Variants in DEAF1 observed in about 807,000 individuals in gnomAD.
DEAF1 encodes the protein deformed epidermal autoregulatory factor 1 homolog.
DEAF1 carries 53 observed loss-of-function variants against 58.9 expected under a neutral mutation model. The observed-to-expected ratio is 0.90, with a 90% CI of 0.72 to 1.13. The LOEUF is 1.13. Ranked by LOEUF, DEAF1 falls within the 50% of genes most tolerant of loss-of-function variation. The pLI is 0.00. For missense variants in DEAF1, 685 were observed against 791.4 expected, an observed-to-expected ratio of 0.87 and a Z score of 1.61; for synonymous variants, 385 against 340.4, an observed-to-expected ratio of 1.13 and a Z score of -1.44.
In DEAF1 at chr11:674,173, G is replaced by C. The variant is rs1859953422; in HGVS notation, c.1503+363C>G. 4.8e-5 allele frequency: 16 copies of C among 335,346 alleles called. 1 individual carries two copies. Among genetic ancestry groups the C allele is most frequent in the South Asian group, 3.9e-4 (16 of 40,934 alleles). The allele number at this position is 335,346 out of a possible 1,614,324, so 20.8% of individuals were successfully genotyped here. ...GCCCTGCCAGTCGCTGATACTCAGA[G>C]ACTCAATAGATGATGTTCTCCAAAC... On this transcript the variant is annotated intron_variant, in intron 10 of 11. Coordinates refer to ENST00000382409, the MANE Select transcript of DEAF1 (RefSeq NM_021008.4).
At chr11:668,826 A>T (rs1859672339) in intron 10 of DEAF1, among the ~76,000 whole-genome samples, 1 of 152,000 alleles carries the variant, frequency 6.6e-6, no homozygotes, top group Non-Finnish European at 1.5e-5. Context: ...TTTAAAAAAA[A>T]AGTTTTTTGT....
intron 10 of DEAF1, among the ~76,000 whole-genome samples, chr11:659,737 T>C (rs548848358): frequency 1.4e-3 from 213 of 152,266 alleles, no homozygotes; most frequent in Middle Eastern, 0.014. Context: ...GAGGCTCCTT[T>C]CCCGGCACTG....
At chr11:705,981 G>A (rs1419132444) in intron 1 of DEAF1, 3 of 152,318 alleles carry the variant, frequency 2.0e-5, no homozygotes, top group African/African-American at 4.8e-5. Context: ...GGGCACACCA[G>A]GCGGGTGTTG....
upstream of DEAF1, chr11:695,517 T>C: frequency 1.0e-6 from 1 of 998,102 alleles, no homozygotes; most frequent in Non-Finnish European, 1.3e-6. Flanking sequence ...CAGAGAGAGC[T>C]TAGTGCCGCG....
chr11:649,578 G>A (rs1178722918), intron 11 of DEAF1, among the ~76,000 whole-genome samples: 1 of 151,640 alleles, frequency 6.6e-6, no homozygotes, highest in African/African-American at 2.4e-5. Flanking sequence ...AAATTAGCCG[G>A]GTCTGATGGC....
intron 10 of DEAF1, among the ~76,000 whole-genome samples, chr11:672,542 A>T (rs1038182731): frequency 3.3e-5 from 5 of 152,206 alleles, no homozygotes; most frequent in Non-Finnish European, 5.9e-5. Flanking sequence ...TGACAGAAAA[A>T]TTTAAAAATT....
chr11:691,671 G>T, intron 1 of DEAF1, 73 bp from the exon 2 acceptor site: 1 of 1,382,484 alleles, frequency 7.2e-7, no homozygotes, highest in Non-Finnish European at 1.0e-6. Flanking sequence ...TCGCTCAGGT[G>T]CTTCAAACAA....
chr11:674,531 G>A lies in DEAF1; in HGVS notation c.1503+5C>T, dbSNP rs370559702. The A allele has an allele frequency of 1.9e-5, 30 of 1,613,860 alleles. No homozygotes were observed. The highest frequency in any genetic ancestry group is 2.2e-5 in the Non-Finnish European group (26 of 1,180,012). ...GTCGTGTCTTCCCATTTGTTCCAAG[G>A]TTACCTCCTTCCGCTCTGCGTCAGC... On this transcript the variant is annotated splice_donor_5th_base_variant and intron_variant, in intron 10 of 11. Transcript: ENST00000382409.
At chr11:672,809 T>C (rs1402810354) in intron 10 of DEAF1, among the ~76,000 whole-genome samples, 2 of 151,668 alleles carry the variant, frequency 1.3e-5, no homozygotes, top group Admixed American at 6.6e-5. Flanking sequence ...GATTGTGCCA[T>C]TGCACTCCAG....
In DEAF1 at chr11:656,897, T is replaced by C. The variant is rs144288644; in HGVS notation, c.1504-2846A>G. Among the ~76,000 whole-genome samples, 1,208 of 152,126 alleles carry C rather than the reference T, an allele frequency of 7.9e-3. 14 individuals are homozygous for C. The highest frequency in any genetic ancestry group is 0.028 in the African/African-American group (1,147 of 41,488). On this transcript the variant is annotated intron_variant, in intron 10 of 11. Transcript: ENST00000382409. ...TTTTTTTTAAACTGAAAAATAACGT[T>C]CTAGGAAGGTTAGAAGGAGCTTTGG...
chr11:676,596 C>T (rs1860090047), intron 9 of DEAF1, among the ~76,000 whole-genome samples: 1 of 151,934 alleles, frequency 6.6e-6, no homozygotes, highest in Admixed American at 6.6e-5. Flanking sequence ...CACTGCCCTC[C>T]CGGGTTCAAG....
intron 5 of DEAF1, among the ~76,000 whole-genome samples, chr11:685,291 C>A (rs1185967003): frequency 6.6e-6 from 1 of 151,972 alleles, no homozygotes; most frequent in Non-Finnish European, 1.5e-5. Context: ...GCCATGTTGA[C>A]CAGGCTGGTC....
intron 11 of DEAF1, among the ~76,000 whole-genome samples, chr11:645,236 TA>T (rs1240982176): frequency 2.6e-4 from 40 of 151,868 alleles, no homozygotes; most frequent in Non-Finnish European, 2.9e-5. Context: ...GTTAGGGATG[TA>T]AACAAAAAAT....
At chr11:695,678 C>T, upstream of DEAF1, 2 of 1,243,356 alleles carry the variant, frequency 1.6e-6, no homozygotes, top group Non-Finnish European at 2.0e-6. Context: ...ACGGACTAAT[C>T]GGGCCTCGGC....
chr11:687,027 G>A (rs1860624092), intron 4 of DEAF1, 30 bp from the exon 5 acceptor site: 3 of 1,613,114 alleles, frequency 1.9e-6, no homozygotes, highest in East Asian at 2.2e-5. Context: ...TCATGATGAT[G>A]GCAGGTGGGA....
intron 1 of DEAF1, chr11:700,802 CAG>C (rs1245062073): frequency 8.3e-7 from 1 of 1,208,424 alleles, no homozygotes; most frequent in African/African-American, 1.5e-5. Context: ...GTGTGGTTCT[CAG>C]AGACATTTTT....
Position 644,546 on chromosome 11 carries a change from A to G in DEAF1, c.*4T>C, listed in dbSNP as rs776038399. 4.3e-6 allele frequency: 7 copies of G among 1,611,540 alleles called. No individual in the cohort carries two copies. The African/African-American group carries it at 8.0e-5, about 18-fold the overall frequency. Reference sequence around the variant, plus strand: ...CCCCAGCTCCCAGGGCGGCCGATGGAGCCTCACACGGTCACCTTCTCCATC... The same window carrying G: ...CCCCAGCTCCCAGGGCGGCCGATGGGGCCTCACACGGTCACCTTCTCCATC... On this transcript the variant is annotated 3_prime_UTR_variant, in exon 12 of 12. Transcript: ENST00000382409. The surrounding 1 kb of genome is among the most constrained non-coding windows in gnomAD (Gnocchi z 4.3).
At chr11:680,227 C>G (rs1254681192) in intron 7 of DEAF1, among the ~76,000 whole-genome samples, 3 of 152,120 alleles carry the variant, frequency 2.0e-5, no homozygotes, top group Non-Finnish European at 4.4e-5. Flanking sequence ...GCAAGGCTGC[C>G]TCTCCAGCTC....
At chr11:694,569 T>TG (rs1277417284) in intron 1 of DEAF1, 190 bp downstream of exon 1, 3 of 251,092 alleles carry the variant, frequency 1.2e-5, no homozygotes, top group Non-Finnish European at 1.8e-5. Flanking sequence ...GCAGGGCGGG[T>TG]GGGGCGGGCG....
Sources: allele counts gnomAD v4.1 joint callset (sites outside exome capture counted in the v4.1 genomes callset), GRCh38; gene constraint gnomAD v4.1.1; non-coding constraint Gnocchi (gnomAD v3.1); transcripts MANE v1.5; gene names NCBI Gene and HGNC (gene_info 2026-07-23, HGNC 2026-07-21).